Variants in CNOT1 observed in about 807,000 individuals in gnomAD.
CNOT1 encodes the protein CCR4-associated factor 1.
A neutral mutation model predicts 273.8 loss-of-function variants in CNOT1; 15 were observed. The ratio of observed to expected loss-of-function variants is 0.05; its 90% CI spans 0.04 to 0.08. The LOEUF (loss-of-function observed/expected upper bound fraction) is 0.08, where lower values mean the gene tolerates loss of function less well. Among genes scored for constraint, CNOT1 ranks in the 10% least tolerant of loss-of-function variants. The pLI, the probability that CNOT1 is intolerant of heterozygous loss-of-function variation, is 1.00. For missense variants in CNOT1, 1,644 were observed against 2,912.2 expected, an observed-to-expected ratio of 0.56 and a Z score of 10.02; for synonymous variants, 1,022 against 1,005.5, an observed-to-expected ratio of 1.02 and a Z score of -0.31.
At position 58,539,470 on chromosome 16, in the gene CNOT1, C is replaced by CAG. The variant is rs2040013180; in HGVS notation, c.4992+297_4992+298insCT. Among the ~76,000 whole-genome samples, 8 of 144,368 alleles carry CAG rather than the reference C, an allele frequency of 5.5e-5. No homozygotes were observed. In the South Asian group the frequency reaches 8.3e-4, roughly 15 times the overall value. The allele number at this position is 144,368 out of a possible 152,430, so 94.7% of individuals were successfully genotyped here. ...ACAGAGAGAGACCCTGTCTCTTACA[C>CAG]ACACACACACACACACACACACAGA... On this transcript the variant is annotated intron_variant, in intron 35 of 48. Coordinates refer to ENST00000317147, the MANE Select transcript of CNOT1 (RefSeq NM_016284.5).
intron 14 of CNOT1, among the ~76,000 whole-genome samples, chr16:58,575,817 G>C (rs1356613081): frequency 2.0e-5 from 3 of 151,932 alleles, no homozygotes; most frequent in African/African-American, 7.2e-5. Context: ...AAGATATAGA[G>C]TAATTCATCA....
chr16:58,601,454 A>C (rs1459065322), intron 1 of CNOT1, among the ~76,000 whole-genome samples: 1 of 152,174 alleles, frequency 6.6e-6, no homozygotes, highest in Non-Finnish European at 1.5e-5. Flanking sequence ...AAATCTCTGA[A>C]GGAAAGGAGC....
chr16:58,596,907 A>G (rs1039816228), intron 2 of CNOT1, among the ~76,000 whole-genome samples: 1 of 147,702 alleles, frequency 6.8e-6, no homozygotes, highest in African/African-American at 2.5e-5. Flanking sequence ...AAAAAAAAAA[A>G]AAAAAAAAAA....
At chr16:58,524,484 G>A (rs2039517781) in intron 46 of CNOT1, among the ~76,000 whole-genome samples, 1 of 151,840 alleles carries the variant, frequency 6.6e-6, no homozygotes, top group African/African-American at 2.4e-5. Flanking sequence ...GGACGTGATG[G>A]TATTCAATTT....
At chr16:58,593,397 TA>T (rs1210129506) in intron 2 of CNOT1, among the ~76,000 whole-genome samples, 1 of 151,990 alleles carries the variant, frequency 6.6e-6, no homozygotes, top group Non-Finnish European at 1.5e-5. Context: ...TCGTCTCTAC[TA>T]AAAATACAGT....
chr16:58,606,789 G>A (rs2042695968), intron 1 of CNOT1, among the ~76,000 whole-genome samples: 1 of 151,086 alleles, frequency 6.6e-6, no homozygotes, highest in South Asian at 2.1e-4. Flanking sequence ...GGGCAGCAGA[G>A]CAAGACACCG....
chr16:58,598,995 G>A, intron 2 of CNOT1: 2 of 338,374 alleles, frequency 5.9e-6, no homozygotes, highest in South Asian at 2.9e-5. Flanking sequence ...AGGATGCAGT[G>A]AGCCGAGATC....
intron 3 of CNOT1, among the ~76,000 whole-genome samples, chr16:58,588,316 G>C (rs1681112112): frequency 6.6e-6 from 1 of 150,380 alleles, no homozygotes; most frequent in South Asian, 2.1e-4. Flanking sequence ...AAGGAACCAG[G>C]AAATAAAAAA....
At chr16:58,591,129 A>G (rs1024430762) in intron 2 of CNOT1, among the ~76,000 whole-genome samples, 2 of 152,220 alleles carry the variant, frequency 1.3e-5, no homozygotes, top group Admixed American at 1.3e-4. Flanking sequence ...GAGAAGGAAA[A>G]ACCTAGAGTG....
chr16:58,523,252 C>CAAA, intron 47 of CNOT1, 118 bp downstream of exon 47: 1 of 1,028,154 alleles, frequency 9.7e-7, no homozygotes, highest in Non-Finnish European at 1.3e-6. Flanking sequence ...CTCAAAAAAA[C>CAAA]AAAAAAAAAA....
intron 21 of CNOT1, 62 bp from the exon 22 acceptor site, chr16:58,553,922 T>C: frequency 6.6e-7 from 1 of 1,526,030 alleles, no homozygotes; most frequent in Non-Finnish European, 8.8e-7. Flanking sequence ...TAACAAAATG[T>C]TTTTGTCCAA....
chr16:58,583,786 A>G lies in CNOT1; in HGVS notation c.807-604T>C, dbSNP rs530172199. Among the ~76,000 whole-genome samples, 9 of 151,984 alleles carry G rather than the reference A, an allele frequency of 5.9e-5. No individual in the cohort carries two copies. The South Asian group carries it at 1.9e-3, about 32-fold the overall frequency. ...ACTCCTGGCCTCAAGTGATCCACCC[A>G]CCTCAGCCTCCCAAAGTGCTGGGAT... On this transcript the variant is annotated intron_variant, in intron 8 of 48. Transcript: ENST00000317147.
chr16:58,538,561 A>C (rs1176561934), intron 36 of CNOT1, among the ~76,000 whole-genome samples: 1 of 152,156 alleles, frequency 6.6e-6, no homozygotes, highest in Admixed American at 6.5e-5. Context: ...TCCCCAAAAC[A>C]AGGTACTGGT....
chr16:58,555,947 C>T, intron 19 of CNOT1, 39 bp from the exon 20 acceptor site: 2 of 1,602,564 alleles, frequency 1.2e-6, no homozygotes, highest in East Asian at 2.2e-5. Context: ...GCATTTAAGC[C>T]CTTCCTCCAC....
At chr16:58,572,900 T>C (rs1462911883) in intron 16 of CNOT1, among the ~76,000 whole-genome samples, 1 of 139,890 alleles carries the variant, frequency 7.1e-6, no homozygotes, top group Non-Finnish European at 1.5e-5. Flanking sequence ...AGAGCAAGAC[T>C]CTGTCTCAAA....
chr16:58,531,954 A>G lies in CNOT1; in HGVS notation c.6177+4T>C. On this transcript the variant is annotated splice_donor_region_variant and intron_variant, in intron 42 of 48. Coordinates refer to ENST00000317147, the MANE Select transcript of CNOT1 (RefSeq NM_016284.5). The stretch of plus-strand genomic sequence containing the variant: ...CATCTACAGGAGATAAACTGCAGCC[A>G]CACCTTCTGCTGTGGCGTATGTGCC... 1 of 1,614,062 alleles carries G rather than the reference A, an allele frequency of 6.2e-7. No homozygotes were observed. Among genetic ancestry groups the G allele is most frequent in the Non-Finnish European group, 8.5e-7 (1 of 1,180,008 alleles).
chr16:58,560,380 AG>A lies in CNOT1; in HGVS notation c.1980-19del. 1 of 1,611,832 alleles carries A rather than the reference AG, an allele frequency of 6.2e-7. No homozygotes were observed. The highest frequency in any genetic ancestry group is 8.5e-7 in the Non-Finnish European group (1 of 1,179,286). Reference sequence around the variant, plus strand: ...AAACACTCCTAAAATAGAGGGGAAAAGGTAAAAAATATCAGTTCCTATTCTC... The same window carrying A: ...AAACACTCCTAAAATAGAGGGGAAAAGTAAAAAATATCAGTTCCTATTCTC... On this transcript the variant is annotated intron_variant, in intron 16 of 48. Coordinates refer to ENST00000317147, the MANE Select transcript of CNOT1 (RefSeq NM_016284.5).
Position 58,547,153 on chromosome 16 carries a change from T to C in CNOT1, c.3750+33A>G, listed in dbSNP as rs996649604. 3 of 1,593,710 alleles carry C rather than the reference T, an allele frequency of 1.9e-6. No individual in the cohort carries two copies. Among genetic ancestry groups the C allele is most frequent in the Non-Finnish European group, 2.6e-6 (3 of 1,170,648 alleles). On this transcript the variant is annotated intron_variant, in intron 27 of 48. Transcript: ENST00000317147. This position sits in a 1 kb window ranked among gnomAD's most constrained non-coding sequence, Gnocchi z 4.0. ...GCTAAAACAAAGCAATGCTTAGAAA[T>C]TAGTCATAAATAAAATATTAAAATC...
chr16:58,528,409 C>G lies in CNOT1; in HGVS notation c.6453+66G>C. ...GTTGGGTAGGAAAGTGCTGAACAGTCTACTTATCAGAGAAAGGACTGAAAT... is the reference window on the plus strand; with the variant it reads ...GTTGGGTAGGAAAGTGCTGAACAGTGTACTTATCAGAGAAAGGACTGAAAT... On this transcript the variant is annotated intron_variant, in intron 44 of 48. Transcript: ENST00000317147. 2.6e-6 allele frequency: 3 copies of G among 1,135,558 alleles called. No homozygotes were observed. The South Asian group carries it at 3.8e-5, about 14-fold the overall frequency. The allele number at this position is 1,135,558 out of a possible 1,614,324, so 70.3% of individuals were successfully genotyped here.
Sources: allele counts gnomAD v4.1 joint callset (sites outside exome capture counted in the v4.1 genomes callset), GRCh38; gene constraint gnomAD v4.1.1; non-coding constraint Gnocchi (gnomAD v3.1); transcripts MANE v1.5; gene names NCBI Gene and HGNC (gene_info 2026-07-23, HGNC 2026-07-21).